ARL6IP5: variants seen among roughly 807,000 people sequenced by gnomAD.
The protein encoded by ARL6IP5 is ARF like GTPase 6 interacting protein 5, also known as PRA1 family protein 3.
In ARL6IP5, 6 loss-of-function variants were observed where a neutral mutation model predicts 13.0. That is an observed-to-expected ratio of 0.46 (90% CI 0.25 to 0.91). ARL6IP5 has a LOEUF of 0.91. ARL6IP5 is among the 40% of genes least tolerant of loss of function. The pLI, the probability that ARL6IP5 is intolerant of heterozygous loss-of-function variation, is 0.17. For missense variants in ARL6IP5, 208 were observed against 248.8 expected, an observed-to-expected ratio of 0.84 and a Z score of 1.10; for synonymous variants, 91 against 91.9, an observed-to-expected ratio of 0.99 and a Z score of 0.06.
At position 69,105,741 on chromosome 3, in the gene ARL6IP5, T is replaced by C. The variant is rs2092320449; in HGVS notation, c.*1105T>C. 2 of 152,240 alleles carry C rather than the reference T, an allele frequency of 1.3e-5. No individual in the cohort carries two copies. The highest frequency in any genetic ancestry group is 4.1e-4 in the South Asian group (2 of 4,834). 9.4% of individuals were successfully genotyped at this position (152,240 alleles called of 1,614,324 possible). A position where few individuals can be genotyped will look rare whatever the true frequency, so the allele number is the denominator to read the frequency against. On this transcript the variant is annotated 3_prime_UTR_variant, in exon 3 of 3. Transcript: ENST00000273258. Reference sequence around the variant, plus strand: ...AGCATGAGTTTATACATTCTATTATTTTTCCTCCCTTTCTCATGTTTTTAT... The same window carrying C: ...AGCATGAGTTTATACATTCTATTATCTTTCCTCCCTTTCTCATGTTTTTAT...
At chr3:69,094,681 G>A (rs1377949218) in intron 1 of ARL6IP5, among the ~76,000 whole-genome samples, 1 of 152,280 alleles carries the variant, frequency 6.6e-6, no homozygotes, top group East Asian at 1.9e-4. Context: ...CCTCTTTGGT[G>A]GTTCTTTTTG....
At chr3:69,090,028 G>T in intron 1 of ARL6IP5, 1 of 350,844 alleles carries the variant, frequency 2.9e-6, no homozygotes, top group Middle Eastern at 7.3e-4. Context: ...TTTTCAAAAT[G>T]AACGTGGCTT....
chr3:69,102,368 G>T, intron 2 of ARL6IP5: 1 of 350,978 alleles, frequency 2.8e-6, no homozygotes, highest in South Asian at 2.9e-5. Flanking sequence ...TGTTATCTCG[G>T]CTTACTGCAA....
chr3:69,100,627 A>G (rs2092301899), intron 1 of ARL6IP5, among the ~76,000 whole-genome samples: 1 of 151,972 alleles, frequency 6.6e-6, no homozygotes, highest in East Asian at 1.9e-4. Context: ...TGAAAATACA[A>G]AAAATTAGCT....
chr3:69,104,056 A>G (rs2092314618), intron 2 of ARL6IP5, among the ~76,000 whole-genome samples: 1 of 152,182 alleles, frequency 6.6e-6, no homozygotes, highest in Non-Finnish European at 1.5e-5. Context: ...GGAACAAGAT[A>G]CAGATAATCC....
In ARL6IP5 at chr3:69,104,582, G is replaced by T; in HGVS notation, c.513G>T (p.Gln171His). ...PMGIVLDALE[Q>H]QEEGINRLTD... ...GCATTGTCCTGGATGCCCTAGAACA[G>T]CAGGAAGAAGGCATCAACAGACTCA... Residue 171 changes from glutamine (Q) to histidine (H), a missense_variant, in exon 3 of 3, where the codon CAG (glutamine) becomes CAT (histidine). Transcript: ENST00000273258. 2 of 1,614,094 alleles carry T rather than the reference G, an allele frequency of 1.2e-6. No homozygotes were observed. The highest frequency in any genetic ancestry group is 1.7e-6 in the Non-Finnish European group (2 of 1,179,964).
intron 1 of ARL6IP5, among the ~76,000 whole-genome samples, chr3:69,085,724 TA>T (rs2092245638): frequency 6.6e-6 from 1 of 151,982 alleles, no homozygotes; most frequent in Admixed American, 6.5e-5. Flanking sequence ...CACTGTACAG[TA>T]AAGCTGAGCT....
intron 1 of ARL6IP5, among the ~76,000 whole-genome samples, chr3:69,085,913 A>G (rs962393007): frequency 6.6e-6 from 1 of 152,094 alleles, no homozygotes; most frequent in African/African-American, 2.4e-5. Context: ...CCTTTTCAAT[A>G]CCTGATACTT....
intron 1 of ARL6IP5, among the ~76,000 whole-genome samples, chr3:69,090,212 A>T (rs1479330905): frequency 1.3e-5 from 2 of 152,244 alleles, no homozygotes; most frequent in African/African-American, 4.8e-5. Flanking sequence ...TATTGAAATG[A>T]TTGCAGATAG....
At chr3:69,102,966 T>A (rs1218117629) in intron 2 of ARL6IP5, among the ~76,000 whole-genome samples, 1 of 152,190 alleles carries the variant, frequency 6.6e-6, no homozygotes, top group Non-Finnish European at 1.5e-5. Flanking sequence ...TCAGCAGAAA[T>A]CTGATTAAAA....
chr3:69,086,415 C>CA (rs2092247600), intron 1 of ARL6IP5, among the ~76,000 whole-genome samples: 1 of 152,212 alleles, frequency 6.6e-6, no homozygotes, highest in South Asian at 2.1e-4. Context: ...GGGGAGACTT[C>CA]ACAGTTTCCG....
In ARL6IP5 at chr3:69,104,593, G is replaced by C; in HGVS notation, c.524G>C (p.Gly175Ala). 2 of 1,614,114 alleles carry C rather than the reference G, an allele frequency of 1.2e-6. No individual in the cohort carries two copies. Among genetic ancestry groups the C allele is most frequent in the African/African-American group, 2.7e-5 (2 of 75,040 alleles). The change falls in exon 3 of 3, where the codon GGC (glycine) becomes GCC (alanine). Residue 175 changes from glycine to alanine, a missense_variant. Transcript: ENST00000273258. ...GATGCCCTAGAACAGCAGGAAGAAG[G>C]CATCAACAGACTCACTGACTATATC... ...VLDALEQQEE[G>A]INRLTDYISK... is the part of the protein sequence containing the mutation.
chr3:69,087,480 A>T (rs1008594591), intron 1 of ARL6IP5, among the ~76,000 whole-genome samples: 9 of 140,792 alleles, frequency 6.4e-5, no homozygotes, highest in East Asian at 2.1e-4. Context: ...ACCAATAATT[A>T]AAAAAAAAAA....
chr3:69,099,135 G>GA (rs2092296616), intron 1 of ARL6IP5, among the ~76,000 whole-genome samples: 3 of 98,640 alleles, frequency 3.0e-5, no homozygotes, highest in African/African-American at 1.6e-4. Flanking sequence ...GGGGCGGGGG[G>GA]GGTGGGGGGT....
Position 69,104,420 on chromosome 3 carries a change from G to A in ARL6IP5, c.395-44G>A, listed in dbSNP as rs148702950. The stretch of plus-strand genomic sequence containing the variant: ...GGAGTGTAATATTGATATGGCAAAA[G>A]AGAATTGTTGCTTTGGTGTTAACCA... On this transcript the variant is annotated intron_variant, in intron 2 of 2. Transcript: ENST00000273258. The A allele has an allele frequency of 3.1e-4, 489 of 1,567,044 alleles. 3 individuals carry two copies. In the East Asian group the frequency reaches 0.011, roughly 34 times the overall value.
chr3:69,102,539 C>G (rs977124720), intron 2 of ARL6IP5, among the ~76,000 whole-genome samples: 1 of 152,114 alleles, frequency 6.6e-6, no homozygotes, highest in Non-Finnish European at 1.5e-5. Context: ...GGATTACAGG[C>G]GTGAGCCACT....
intron 1 of ARL6IP5, among the ~76,000 whole-genome samples, chr3:69,098,676 G>A (rs1356489420): frequency 6.6e-6 from 1 of 152,198 alleles, no homozygotes; most frequent in Admixed American, 6.5e-5. Context: ...ACAGGCTTGA[G>A]CCACTGTACT....
At chr3:69,098,492 G>A (rs1037433119) in intron 1 of ARL6IP5, among the ~76,000 whole-genome samples, 20 of 151,324 alleles carry the variant, frequency 1.3e-4, no homozygotes, top group Non-Finnish European at 2.1e-4. Context: ...TGATCTGCCC[G>A]CCTCAGCCTC....
intron 1 of ARL6IP5, among the ~76,000 whole-genome samples, chr3:69,095,437 A>G (rs2092283769): frequency 6.6e-6 from 1 of 151,582 alleles, no homozygotes; most frequent in Non-Finnish European, 1.5e-5. Context: ...ATAGAAAAAC[A>G]TAACGGTTTT....
Sources: gnomAD v4.1 joint callset for allele counts (sites outside exome capture counted in the v4.1 genomes callset) on GRCh38, gnomAD v4.1.1 for gene constraint, MANE v1.5 for transcripts, NCBI Gene and HGNC (gene_info 2026-07-23, HGNC 2026-07-21) for gene names.